DHRSX: variants seen among roughly 807,000 people sequenced by gnomAD.
DHRSX encodes the protein polyprenol dehydrogenase.
In DHRSX, 31 loss-of-function variants were observed where a neutral mutation model predicts 34.0. That is an observed-to-expected ratio of 0.91 (90% confidence interval 0.69 to 1.23). The LOEUF is 1.23. Among genes scored for constraint, DHRSX ranks in the 50% most tolerant of loss-of-function variants. The pLI, the probability that DHRSX is intolerant of heterozygous loss-of-function variation, is 0.00. For missense variants in DHRSX, 414 were observed against 428.1 expected, an observed-to-expected ratio of 0.97 and a Z score of 0.29; for synonymous variants, 201 against 183.8, an observed-to-expected ratio of 1.09 and a Z score of -0.76.
At position 2,220,417 on chromosome X, in the gene DHRSX, C is replaced by T. The variant is rs181095862; in HGVS notation, c.*624G>A. On this transcript the variant is annotated 3_prime_UTR_variant, in exon 7 of 7. Transcript: ENST00000334651. ...GCATGAACATATCTTTTGAGGGCTACCATTTGATCCATAGCTGTTCAGCGG... is the reference window on the plus strand; with the variant it reads ...GCATGAACATATCTTTTGAGGGCTATCATTTGATCCATAGCTGTTCAGCGG... The T allele has an allele frequency of 6.6e-6, 1 of 152,450 alleles. No individual in the cohort carries two copies. The highest frequency in any genetic ancestry group is 6.5e-5 in the Admixed American group (1 of 15,302). 9.4% of individuals were successfully genotyped at this position (152,450 alleles called of 1,614,324 possible).
intron 1 of DHRSX, among the ~76,000 whole-genome samples, chrX:2,457,617 C>T (rs1447023122): frequency 6.6e-6 from 1 of 151,474 alleles, no homozygotes; most frequent in Non-Finnish European, 1.5e-5. Context: ...GAAGACATCC[C>T]CTAAGAATGC....
rs369921411 is a variant in DHRSX at position 2,425,278 on chromosome X, C to T, written c.136G>A (p.Ala46Thr). ...CCATCTGTCCCTCCCGTCACTATAG[C>T]GACACGGTCAGGTCGTGGGGGGAAA... ...PVFPPRPDRV[A>T]IVTGGTDGIG... Residue 46 changes from alanine to threonine, a missense_variant, in exon 2 of 7, where the codon GCT (alanine) becomes ACT (threonine). Ala to Thr is a moderately conservative substitution (Grantham distance 58). Transcript: ENST00000334651. 9.9e-6 allele frequency: 16 copies of T among 1,613,812 alleles called. No individual in the cohort carries two copies. Among genetic ancestry groups the T allele is most frequent in the Middle Eastern group, 1.7e-4 (1 of 6,054 alleles).
At chrX:2,256,683 C>T in intron 5 of DHRSX, among the ~76,000 whole-genome samples, 1 of 152,186 alleles carries the variant, frequency 6.6e-6, no homozygotes, top group East Asian at 1.9e-4. Context: ...GTGATTTATT[C>T]CTTTACAAGA....
chrX:2,330,074 G>A (rs1297203984), intron 3 of DHRSX, among the ~76,000 whole-genome samples: 56 of 2,140 alleles, frequency 0.026, 1 homozygote, highest in African/African-American at 0.072. Context: ...GAGAGACGGC[G>A]GGGGGGGGGG....
chrX:2,323,693 C>T (rs996076027), intron 3 of DHRSX, among the ~76,000 whole-genome samples: 13 of 152,044 alleles, frequency 8.6e-5, no homozygotes, highest in African/African-American at 2.9e-4. Context: ...CACTCGAGCC[C>T]GGGAGGCTGA....
At chrX:2,381,797 C>CAAAAAAAAAAAAAAAAA (rs767319246) in intron 3 of DHRSX, among the ~76,000 whole-genome samples, 5 of 81,612 alleles carry the variant, frequency 6.1e-5, no homozygotes, top group African/African-American at 5.0e-5. Context: ...AAGCCACAAC[C>CAAAAAAAAAAAAAAAAA]AAAAAAAAAA....
chrX:2,439,218 T>C (rs1159452153), intron 1 of DHRSX, among the ~76,000 whole-genome samples: 1 of 151,566 alleles, frequency 6.6e-6, no homozygotes, highest in African/African-American at 2.4e-5. Context: ...GCTTAAAATA[T>C]AAAATAAAAT....
At chrX:2,329,321 G>A (rs1021376062) in intron 3 of DHRSX, among the ~76,000 whole-genome samples, 5 of 152,152 alleles carry the variant, frequency 3.3e-5, no homozygotes, top group African/African-American at 7.2e-5. Flanking sequence ...AGGTTCTACT[G>A]AGAAGGAACC....
intron 1 of DHRSX, among the ~76,000 whole-genome samples, chrX:2,462,167 G>C (rs1176093913): frequency 6.8e-6 from 1 of 146,570 alleles, no homozygotes; most frequent in Non-Finnish European, 1.5e-5. Flanking sequence ...CGAATAAGTG[G>C]ATTCCAATTA....
At chrX:2,417,135 G>A (rs1395306085) in intron 2 of DHRSX, among the ~76,000 whole-genome samples, 2 of 152,194 alleles carry the variant, frequency 1.3e-5, no homozygotes, top group Admixed American at 6.5e-5. Flanking sequence ...TGTGGGATAG[G>A]AGACACAGGT....
At chrX:2,324,967 G>C (rs2042361244) in intron 3 of DHRSX, among the ~76,000 whole-genome samples, 2 of 146,072 alleles carry the variant, frequency 1.4e-5, no homozygotes, top group South Asian at 4.3e-4. Context: ...TTTTAGTAGA[G>C]ACGCGGTTTC....
intron 4 of DHRSX, among the ~76,000 whole-genome samples, chrX:2,283,923 TG>T (rs2041767645): frequency 5.7e-5 from 2 of 34,998 alleles, no homozygotes; most frequent in Non-Finnish European, 1.5e-4. Context: ...CTCATTCCTT[TG>T]AATTCACTCA....
chrX:2,312,940 A>G (rs1181513653), intron 3 of DHRSX, among the ~76,000 whole-genome samples: 2 of 152,114 alleles, frequency 1.3e-5, no homozygotes, highest in African/African-American at 4.8e-5. Context: ...TTGCAAGTCC[A>G]AAAGTCTTTG....
chrX:2,319,519 G>A lies in DHRSX; in HGVS notation c.287-27916C>T, dbSNP rs1376182264. On this transcript the variant is annotated intron_variant, in intron 3 of 6. Coordinates refer to ENST00000334651, the MANE Select transcript of DHRSX (RefSeq NM_145177.3). ...GATCGTGCCACTGCACTCCAGCCTCGGTGACAGAGTGAGACTCCATCTCAA... is the reference window on the plus strand; with the variant it reads ...GATCGTGCCACTGCACTCCAGCCTCAGTGACAGAGTGAGACTCCATCTCAA... Among the ~76,000 whole-genome samples, 6 of 144,902 alleles carry A rather than the reference G, an allele frequency of 4.1e-5. No homozygotes were observed. The South Asian group carries it at 6.7e-4, about 16-fold the overall frequency.
intron 4 of DHRSX, among the ~76,000 whole-genome samples, chrX:2,290,430 G>A (rs1289390824): frequency 6.6e-6 from 1 of 152,038 alleles, no homozygotes; most frequent in Non-Finnish European, 1.5e-5. Flanking sequence ...TTATGAAAAT[G>A]GTACGTTAGG....
In DHRSX at chrX:2,394,387, C is replaced by T. The variant is rs190176769; in HGVS notation, c.286+14358G>A. Among the ~76,000 whole-genome samples, 31 of 152,278 alleles carry T rather than the reference C, an allele frequency of 2.0e-4. No individual in the cohort carries two copies. The East Asian group carries it at 5.8e-3, about 28-fold the overall frequency. On this transcript the variant is annotated intron_variant, in intron 3 of 6. Transcript: ENST00000334651. ...AAGCACGTCAGCCAGGTCAGAGTTC[C>T]AGGTGAGGACGAGGTTACAGCTACA...
At chrX:2,275,225 C>T (rs367811108) in intron 4 of DHRSX, among the ~76,000 whole-genome samples, 1 of 151,664 alleles carries the variant, frequency 6.6e-6, no homozygotes, top group East Asian at 1.9e-4. Context: ...GGGCTGGGCA[C>T]GGTGACTCAC....
intron 1 of DHRSX, among the ~76,000 whole-genome samples, chrX:2,457,364 A>G (rs1193171319): frequency 2.6e-5 from 4 of 151,898 alleles, no homozygotes; most frequent in Admixed American, 1.3e-4. Context: ...CACCATGTAC[A>G]CACTGAAGAC....
intron 1 of DHRSX, among the ~76,000 whole-genome samples, chrX:2,462,388 G>C (rs2044415251): frequency 6.6e-6 from 1 of 151,958 alleles, no homozygotes; most frequent in Non-Finnish European, 1.5e-5. Flanking sequence ...AATATTTCTT[G>C]ACACAACATT....
Sources: gnomAD v4.1 joint callset for allele counts (sites outside exome capture counted in the v4.1 genomes callset) on GRCh38, gnomAD v4.1.1 for gene constraint, MANE v1.5 for transcripts, NCBI Gene and HGNC (gene_info 2026-07-23, HGNC 2026-07-21) for gene names.